The following SV2B variants were observed in gnomAD, a reference collection of about 807,000 sequenced individuals.
SV2B encodes solute carrier family 22 member B2.
SV2B carries 41 observed loss-of-function variants against 73.9 expected under a neutral mutation model. The ratio of observed to expected loss-of-function variants is 0.56; its 90% CI spans 0.43 to 0.72. The LOEUF is 0.72. Ranked by LOEUF, SV2B falls within the 30% of genes least tolerant of loss-of-function variation. The pLI is 0.00. For missense variants in SV2B, 764 were observed against 857.8 expected, an observed-to-expected ratio of 0.89 and a Z score of 1.37; for synonymous variants, 314 against 314.2, an observed-to-expected ratio of 1.00 and a Z score of 0.01.
chr15:91,280,385 C>CT lies in SV2B; in HGVS notation c.1374-1337dup, dbSNP rs761689309. ...TATTGTAGTTGCCTATTTGCTTGCA[C>CT]TTTTTTCCAATTAGACTGGAGAGCA... On this transcript the variant is annotated intron_variant, in intron 9 of 12. Transcript: ENST00000394232. The surrounding 1 kb of genome is among the most constrained non-coding windows in gnomAD (Gnocchi z 5.8). Among the ~76,000 whole-genome samples, 11 of 152,330 alleles carry CT rather than the reference C, an allele frequency of 7.2e-5. No individual in the cohort carries two copies. The East Asian group carries it at 2.1e-3, about 29-fold the overall frequency.
intron 1 of SV2B, among the ~76,000 whole-genome samples, chr15:91,174,792 A>G (rs2141290544): frequency 6.6e-6 from 1 of 152,354 alleles, no homozygotes; most frequent in African/African-American, 2.4e-5. Context: ...TGGATGGGCC[A>G]GTTTCTCAGC....
rs945187441 is a variant in SV2B at position 91,278,539 on chromosome 15, C to A, written c.1374-3189C>A. On this transcript the variant is annotated intron_variant, in intron 9 of 12. Transcript: ENST00000394232. ...AAAAAAATACAAAAAATTAGCCGGG[C>A]GCGGTGGCGGGTGCCTGTAGTCCCA... Among the ~76,000 whole-genome samples, 75 of 149,850 alleles carry A rather than the reference C, an allele frequency of 5.0e-4. 1 individual carries two copies. The highest frequency in any genetic ancestry group is 1.9e-4 in the Non-Finnish European group (13 of 67,672).
chr15:91,142,696 A>C (rs1312426410), intron 1 of SV2B, among the ~76,000 whole-genome samples: 1 of 152,224 alleles, frequency 6.6e-6, no homozygotes, highest in African/African-American at 2.4e-5. Flanking sequence ...GGGGTCAAAT[A>C]ATATGCCCAA....
At chr15:91,212,363 C>T (rs2045897461) in intron 1 of SV2B, among the ~76,000 whole-genome samples, 1 of 152,186 alleles carries the variant, frequency 6.6e-6, no homozygotes, top group Non-Finnish European at 1.5e-5. Context: ...AGCTCCTTTC[C>T]AACCTGGCCC....
intron 2 of SV2B, among the ~76,000 whole-genome samples, chr15:91,237,270 A>G (rs1340197286): frequency 6.6e-6 from 1 of 152,118 alleles, no homozygotes; most frequent in African/African-American, 2.4e-5. Flanking sequence ...GGGCTGGACA[A>G]TTCCATGTTC....
chr15:91,156,058 G>A (rs1462940388), intron 1 of SV2B, among the ~76,000 whole-genome samples: 1 of 152,054 alleles, frequency 6.6e-6, no homozygotes, highest in Non-Finnish European at 1.5e-5. Context: ...AGAAGGTCAA[G>A]CAGAAACAAG....
rs778853718 is a variant in SV2B, at chr15:91,300,130, T to G, written c.*7578T>G. The G allele has an allele frequency of 6.6e-6, 1 of 152,224 alleles. No individual in the cohort carries two copies. The highest frequency in any genetic ancestry group is 1.5e-5 in the Non-Finnish European group (1 of 68,042). The allele number at this position is 152,224 out of a possible 1,614,324, so 9.4% of individuals were successfully genotyped here. ...TAAAATATAGAAAGACATTTTAAAG[T>G]TTGAAATATGTGCTAAGTAGTTAGA... On this transcript the variant is annotated 3_prime_UTR_variant, in exon 13 of 13. Coordinates refer to ENST00000394232, the MANE Select transcript of SV2B (RefSeq NM_001323032.3).
intron 1 of SV2B, among the ~76,000 whole-genome samples, chr15:91,201,585 C>T (rs77948771): frequency 0.14 from 21,725 of 152,204 alleles, 1,712 homozygotes; most frequent in Middle Eastern, 0.21. Flanking sequence ...GACTCCCTAT[C>T]TCCTGATCCC....
At chr15:91,177,839 CAG>C (rs1377845694) in intron 1 of SV2B, among the ~76,000 whole-genome samples, 1 of 142,316 alleles carries the variant, frequency 7.0e-6, no homozygotes, top group African/African-American at 2.8e-5. Flanking sequence ...CATCTGCAAA[CAG>C]GGACAATTTG....
chr15:91,196,285 G>C (rs1304759719), intron 1 of SV2B, among the ~76,000 whole-genome samples: 1 of 152,208 alleles, frequency 6.6e-6, no homozygotes, highest in Non-Finnish European at 1.5e-5. Flanking sequence ...TCTAGAGGGC[G>C]AGAGGGGCTC....
intron 11 of SV2B, among the ~76,000 whole-genome samples, chr15:91,287,616 G>A (rs2048903253): frequency 6.6e-6 from 1 of 152,104 alleles, no homozygotes; most frequent in South Asian, 2.1e-4. Flanking sequence ...CTCATTTTCT[G>A]TTCACTCCCA....
intron 1 of SV2B, among the ~76,000 whole-genome samples, chr15:91,200,753 T>TA (rs543046898): frequency 6.6e-6 from 1 of 151,590 alleles, no homozygotes. Flanking sequence ...TATCAAAAAT[T>TA]AAAAAAAATT....
intron 1 of SV2B, among the ~76,000 whole-genome samples, chr15:91,179,026 A>C (rs1364145820): frequency 6.6e-6 from 1 of 151,682 alleles, no homozygotes; most frequent in Non-Finnish European, 1.5e-5. Context: ...TCTTGTGGGC[A>C]TTTAGTGTTA....
In SV2B at chr15:91,242,294, G is replaced by T. The variant is rs1258475411; in HGVS notation, c.452-9525G>T. Among the ~76,000 whole-genome samples the T allele has an allele frequency of 6.6e-6, 1 of 152,148 alleles. No homozygotes were observed. The highest frequency in any genetic ancestry group is 1.5e-5 in the Non-Finnish European group (1 of 68,032). On this transcript the variant is annotated intron_variant, in intron 2 of 12. Coordinates refer to ENST00000394232, the MANE Select transcript of SV2B (RefSeq NM_001323032.3). The surrounding 1 kb of genome is among the most constrained non-coding windows in gnomAD (Gnocchi z 4.9). ...TCCTTGAATCTCTTGTGTATTGCCA[G>T]TCACTTCTTTGGGGATCGTGTTTGT...
At chr15:91,215,841 C>T (rs2141444253) in intron 1 of SV2B, among the ~76,000 whole-genome samples, 1 of 152,182 alleles carries the variant, frequency 6.6e-6, no homozygotes, top group African/African-American at 2.4e-5. Context: ...CATACTTCTC[C>T]ATAAATTATT....
In SV2B at chr15:91,239,443, A is replaced by G. The variant is rs1167810915; in HGVS notation, c.452-12376A>G. Among the ~76,000 whole-genome samples the G allele has an allele frequency of 6.6e-6, 1 of 152,048 alleles. No homozygotes were observed. Among genetic ancestry groups the G allele is most frequent in the Non-Finnish European group, 1.5e-5 (1 of 68,002 alleles). The stretch of plus-strand genomic sequence containing the variant: ...TTACAAAGTTATAGTACCATCTAAT[A>G]TTAGAAATGAAAGAAAGGAAGGAGA... On this transcript the variant is annotated intron_variant, in intron 2 of 12. Coordinates refer to ENST00000394232, the MANE Select transcript of SV2B (RefSeq NM_001323032.3). The surrounding 1 kb of genome is among the most constrained non-coding windows in gnomAD (Gnocchi z 5.1).
At chr15:91,238,069 T>C (rs1567377809) in intron 2 of SV2B, among the ~76,000 whole-genome samples, 1 of 152,222 alleles carries the variant, frequency 6.6e-6, no homozygotes, top group Non-Finnish European at 1.5e-5. Context: ...TTCCTTTATA[T>C]GAATGAAGTT....
chr15:91,102,971 G>A (rs957682727), intron 1 of SV2B, among the ~76,000 whole-genome samples: 3 of 152,184 alleles, frequency 2.0e-5, no homozygotes, highest in Non-Finnish European at 2.9e-5. Context: ...AGGAGGCCAC[G>A]GAAGCTGCTG....
Position 91,258,605 on chromosome 15 carries a change from A to G in SV2B, c.918+51A>G, listed in dbSNP as rs1227533492. On this transcript the variant is annotated intron_variant, in intron 5 of 12. Transcript: ENST00000394232. This position sits in a 1 kb window ranked among gnomAD's most constrained non-coding sequence, Gnocchi z 4.7. Reference sequence around the variant, plus strand: ...GGAGAGTGACAAAACAGCCACAGGAACCCAGCCTCGCTTCCTTCTCTCAGC... The same window carrying G: ...GGAGAGTGACAAAACAGCCACAGGAGCCCAGCCTCGCTTCCTTCTCTCAGC... The G allele has an allele frequency of 4.4e-6, 7 of 1,608,578 alleles. No homozygotes were observed. Among genetic ancestry groups the G allele is most frequent in the Non-Finnish European group, 5.1e-6 (6 of 1,177,292 alleles).
Sources: gnomAD v4.1 joint callset for allele counts (sites outside exome capture counted in the v4.1 genomes callset) on GRCh38, gnomAD v4.1.1 for gene constraint, Gnocchi (gnomAD v3.1) non-coding constraint, MANE v1.5 for transcripts, NCBI Gene and HGNC (gene_info 2026-07-23, HGNC 2026-07-21) for gene names.